The following OXNAD1 variants were observed in gnomAD, a reference collection of about 807,000 sequenced individuals.
The protein encoded by OXNAD1 is oxidoreductase NAD-binding domain-containing protein 1.
Under a neutral mutation model 32.9 loss-of-function variants are expected in OXNAD1, and 34 were observed. That is an observed-to-expected ratio of 1.03 (90% CI 0.79 to 1.38). The LOEUF is 1.38. OXNAD1 is among the 40% of genes most tolerant of loss of function. The probability of loss-of-function intolerance (pLI) is 0.00; values close to 1 mark genes in which losing one functional copy is unlikely to be tolerated. For missense variants in OXNAD1, 407 were observed against 379.4 expected, an observed-to-expected ratio of 1.07 and a Z score of -0.60; for synonymous variants, 134 against 135.2, an observed-to-expected ratio of 0.99 and a Z score of 0.06.
rs842284 is a variant in OXNAD1 at position 16,299,161 on chromosome 3, C to T, written c.433-2465C>T. Among the ~76,000 whole-genome samples the T allele has an allele frequency of 0.6, 91,620 of 151,988 alleles. 27,981 individuals carry two copies. Among genetic ancestry groups the T allele is most frequent in the African/African-American group, 0.7 (29,123 of 41,456 alleles). ...TTACTAAGCATGCCAAAGATGGCCA[C>T]TGGAGAAAATTATTTCAGTCTCTTT... On this transcript the variant is annotated intron_variant, in intron 6 of 8. Transcript: ENST00000285083. The surrounding 1 kb of genome is among the most constrained non-coding windows in gnomAD (Gnocchi z 4.4).
intron 4 of OXNAD1, among the ~76,000 whole-genome samples, chr3:16,278,734 G>A (rs1180057161): frequency 2.0e-5 from 3 of 152,220 alleles, no homozygotes; most frequent in African/African-American, 4.8e-5. Flanking sequence ...ATTGAGCAAT[G>A]TGTTACTAGG....
At chr3:16,269,817 C>T (rs953862097) in intron 2 of OXNAD1, among the ~76,000 whole-genome samples, 7 of 151,836 alleles carry the variant, frequency 4.6e-5, no homozygotes, top group Non-Finnish European at 8.8e-5. Flanking sequence ...CCAAAAAGCT[C>T]AGAAAAAAAA....
chr3:16,275,377 T>G (rs566329587), intron 4 of OXNAD1: 1 of 152,502 alleles, frequency 6.6e-6, no homozygotes, highest in South Asian at 2.1e-4. Flanking sequence ...TAAGACCAGC[T>G]TGGGCAACAT....
At chr3:16,274,776 C>G (rs1418800179) in intron 4 of OXNAD1, among the ~76,000 whole-genome samples, 2 of 152,176 alleles carry the variant, frequency 1.3e-5, no homozygotes, top group Non-Finnish European at 2.9e-5. Flanking sequence ...TTTGAACATG[C>G]CCTTGTTCTT....
chr3:16,309,887 A>T (rs2067847632), downstream of OXNAD1, among the ~76,000 whole-genome samples: 1 of 152,254 alleles, frequency 6.6e-6, no homozygotes, highest in African/African-American at 2.4e-5. Context: ...TTAGAGATCA[A>T]GGTTGACTGT....
chr3:16,326,901 G>GGCT, intron 9 of OXNAD1: 1 of 1,578,850 alleles, frequency 6.3e-7, no homozygotes, highest in Non-Finnish European at 8.7e-7. Flanking sequence ...CCAGCATTAG[G>GGCT]GCTGCTGCTG....
intron 9 of OXNAD1, among the ~76,000 whole-genome samples, chr3:16,326,406 T>C (rs2125223938): frequency 6.6e-6 from 1 of 152,342 alleles, no homozygotes; most frequent in South Asian, 2.1e-4. Context: ...TCTTTTCTTT[T>C]TGAGGACTGA....
At chr3:16,292,673 T>G (rs1471849980) in intron 5 of OXNAD1, among the ~76,000 whole-genome samples, 1 of 152,250 alleles carries the variant, frequency 6.6e-6, no homozygotes, top group Non-Finnish European at 1.5e-5. Context: ...CATTTAAGTT[T>G]CTGCTCTGTT....
chr3:16,303,603 C>T lies in OXNAD1; in HGVS notation c.*41C>T. On this transcript the variant is annotated 3_prime_UTR_variant, in exon 9 of 9. Coordinates refer to ENST00000285083, the MANE Select transcript of OXNAD1 (RefSeq NM_138381.5). This position sits in a 1 kb window ranked among gnomAD's most constrained non-coding sequence, Gnocchi z 4.8. ...AGAAAAAATAAAGAGGTGAGATCTA[C>T]TCAGGAGAGCTCCTGTCCTTTGTGG... is the stretch of plus-strand genomic sequence containing the variant. 1.3e-6 allele frequency: 2 copies of T among 1,595,014 alleles called. No homozygotes were observed. Among genetic ancestry groups the T allele is most frequent in the Middle Eastern group, 1.7e-4 (1 of 5,976 alleles).
chr3:16,328,664 C>G (rs1323003369), intron 9 of OXNAD1, among the ~76,000 whole-genome samples: 2 of 152,214 alleles, frequency 1.3e-5, no homozygotes. Flanking sequence ...GTTAGAAGCC[C>G]AGATTCTCAG....
At position 16,290,020 on chromosome 3, in the gene OXNAD1, G is replaced by C. The variant is rs984366282; in HGVS notation, c.290+3572G>C. 1.3e-5 allele frequency among the ~76,000 whole-genome samples: 2 copies of C among 152,150 alleles called. No homozygotes were observed. Among genetic ancestry groups the C allele is most frequent in the Non-Finnish European group, 2.9e-5 (2 of 68,030 alleles). On this transcript the variant is annotated intron_variant, in intron 5 of 8. Transcript: ENST00000285083. This position sits in a 1 kb window ranked among gnomAD's most constrained non-coding sequence, Gnocchi z 4.2. ...TGTTTGCATTAAGTGAATGAGTGAG[G>C]GGCTCTGAGAACTGTAGGCAAGGAC... is the stretch of plus-strand genomic sequence containing the variant.
chr3:16,303,837 T>C lies in OXNAD1; in HGVS notation c.*275T>C, dbSNP rs981151197. On this transcript the variant is annotated 3_prime_UTR_variant, in exon 9 of 9. Transcript: ENST00000285083. The surrounding 1 kb of genome is among the most constrained non-coding windows in gnomAD (Gnocchi z 4.8). Reference sequence around the variant, plus strand: ...CATGATGTACCATGATTGGTCAGTATAGATTTTTCTTTTGTCTTTAGGCAA... The same window carrying C: ...CATGATGTACCATGATTGGTCAGTACAGATTTTTCTTTTGTCTTTAGGCAA... 1 of 239,276 alleles carries C rather than the reference T, an allele frequency of 4.2e-6. No individual in the cohort carries two copies. Among genetic ancestry groups the C allele is most frequent in the Non-Finnish European group, 8.0e-6 (1 of 124,428 alleles). 14.8% of individuals were successfully genotyped at this position (239,276 alleles called of 1,614,324 possible).
chr3:16,272,119 A>C (rs1312825583), intron 4 of OXNAD1: 6 of 430,566 alleles, frequency 1.4e-5, no homozygotes, highest in Non-Finnish European at 2.7e-5. Flanking sequence ...CACATCTCAA[A>C]GTTCTTGTTC....
At position 16,317,169 on chromosome 3, in the gene OXNAD1, G is replaced by T; in HGVS notation, c.*30+13577G>T. 1 of 1,613,552 alleles carries T rather than the reference G, an allele frequency of 6.2e-7. No individual in the cohort carries two copies. Among genetic ancestry groups the T allele is most frequent in the Non-Finnish European group, 8.5e-7 (1 of 1,179,968 alleles). ...GCTTGTTGTTTGTCTCTGGCACTGA[G>T]TTTACCTTTTGATTTCCTCATCTGC... On this transcript the variant is annotated intron_variant, in intron 9 of 9. Coordinates refer to the OXNAD1 transcript ENST00000435829. This position sits in a 1 kb window ranked among gnomAD's most constrained non-coding sequence, Gnocchi z 4.3.
chr3:16,331,694 T>G (rs2070328268), intron 9 of OXNAD1, among the ~76,000 whole-genome samples: 2 of 152,264 alleles, frequency 1.3e-5, no homozygotes, highest in African/African-American at 4.8e-5. Context: ...AACTTTGCTC[T>G]AATCTGGTCT....
rs1226127068 is a variant in OXNAD1, at chr3:16,287,084, T to C, written c.290+636T>C. Among the ~76,000 whole-genome samples, 1 of 152,214 alleles carries C rather than the reference T, an allele frequency of 6.6e-6. No individual in the cohort carries two copies. Among genetic ancestry groups the C allele is most frequent in the Non-Finnish European group, 1.5e-5 (1 of 68,030 alleles). ...ACTCGGGACTGATCAGCATGCTGAC[T>C]GGGTAACATTTCCTCCGAATGGGGC... is the stretch of plus-strand genomic sequence containing the variant. On this transcript the variant is annotated intron_variant, in intron 5 of 8. Transcript: ENST00000285083. The surrounding 1 kb of genome is among the most constrained non-coding windows in gnomAD (Gnocchi z 4.8).
chr3:16,276,340 AT>A (rs970282420), intron 4 of OXNAD1: 3,361 of 173,372 alleles, frequency 0.019, no homozygotes, highest in South Asian at 0.056. Flanking sequence ...TCTTCTGTGA[AT>A]TTTTTTTTTT....
downstream of OXNAD1, among the ~76,000 whole-genome samples, chr3:16,337,902 A>G (rs2071017575): frequency 6.6e-6 from 1 of 152,046 alleles, no homozygotes; most frequent in Admixed American, 6.5e-5. The surrounding 1 kb of genome is among the most constrained non-coding windows in gnomAD (Gnocchi z 5.0). Flanking sequence ...GCCTTGCATT[A>G]CCTCTGGAGC....
intron 9 of OXNAD1, among the ~76,000 whole-genome samples, chr3:16,315,346 C>A (rs1559791002): frequency 6.6e-6 from 1 of 152,170 alleles, no homozygotes; most frequent in Non-Finnish European, 1.5e-5. Flanking sequence ...GAACTCCTGA[C>A]CTCAGGTGAT....
Sources: allele counts gnomAD v4.1 joint callset (sites outside exome capture counted in the v4.1 genomes callset), GRCh38; gene constraint gnomAD v4.1.1; non-coding constraint Gnocchi (gnomAD v3.1); transcripts MANE v1.5; gene names NCBI Gene and HGNC (gene_info 2026-07-23, HGNC 2026-07-21).